The following HIVEP2 variants were observed in gnomAD, a reference collection of about 807,000 sequenced individuals.
HIVEP2 encodes the protein HIVEP zinc finger 2, also known as transcription factor HIVEP2.
In HIVEP2, 14 loss-of-function variants were observed where a neutral mutation model predicts 180.7. The observed-to-expected ratio is 0.08, with a 90% CI of 0.05 to 0.12. The LOEUF (loss-of-function observed/expected upper bound fraction) is 0.12. Among genes scored for constraint, HIVEP2 ranks in the 10% least tolerant of loss-of-function variants. HIVEP2 has a pLI of 1.00. For synonymous variants in HIVEP2, 1,184 were observed against 1,136.4 expected (o/e 1.04, Z -0.84); for missense variants, 2,579 against 3,008.5 (o/e 0.86, Z 3.34).
chr6:142,936,340 G>T (rs1456702667), intron 1 of HIVEP2, among the ~76,000 whole-genome samples: 1 of 151,528 alleles, frequency 6.6e-6, no homozygotes, highest in Non-Finnish European at 1.5e-5. Flanking sequence ...CTACAGGCAC[G>T]TGCCACCACA....
intron 2 of HIVEP2, among the ~76,000 whole-genome samples, chr6:142,816,378 A>G (rs918625236): frequency 6.6e-6 from 1 of 151,970 alleles, no homozygotes; most frequent in South Asian, 2.1e-4. Flanking sequence ...TTCCTTCCTT[A>G]TATTTCCTTA....
At chr6:142,775,757 C>A (rs923304205) in intron 4 of HIVEP2, among the ~76,000 whole-genome samples, 4 of 151,920 alleles carry the variant, frequency 2.6e-5, no homozygotes, top group African/African-American at 9.7e-5. Context: ...ATTGCTTGAA[C>A]CCGGGAGGCA....
chr6:142,863,284 T>C (rs1475462389), intron 1 of HIVEP2, among the ~76,000 whole-genome samples: 1 of 151,644 alleles, frequency 6.6e-6, no homozygotes, highest in Non-Finnish European at 1.5e-5. Context: ...CTACCAGTTA[T>C]AGTAGTTTGT....
At chr6:142,861,733 A>G (rs1029890450) in intron 1 of HIVEP2, among the ~76,000 whole-genome samples, 2 of 152,230 alleles carry the variant, frequency 1.3e-5, no homozygotes, top group African/African-American at 4.8e-5. Flanking sequence ...CAAAGTTGTC[A>G]GTCCCACACT....
chr6:142,846,356 T>G (rs374552207), intron 1 of HIVEP2, among the ~76,000 whole-genome samples: 3 of 152,204 alleles, frequency 2.0e-5, no homozygotes, highest in Admixed American at 6.5e-5. Flanking sequence ...GCAAGCTTAA[T>G]GCACTCTGGT....
rs370420416 is a variant in HIVEP2, at chr6:142,770,455, G to A, written c.4284C>T (p.Thr1428=). The change falls in exon 5 of 10, where the codon ACC becomes ACT. Residue 1428 remains threonine (T), a synonymous_variant. Coordinates refer to ENST00000367603, the MANE Select transcript of HIVEP2 (RefSeq NM_006734.4). This position sits in a 1 kb window ranked among gnomAD's most constrained non-coding sequence, Gnocchi z 4.7. ...CTCCCAGGGTGGCCACGCTGTCAGA[G>A]GTGGAAGGTAAACACAAGGGGATGG... ...ESSIPLCLPS[T]SDSVATLGGS... 6.2e-7 allele frequency: 1 copy of A among 1,614,190 alleles called. No homozygotes were observed. The highest frequency in any genetic ancestry group is 8.5e-7 in the Non-Finnish European group (1 of 1,180,034).
At position 142,885,908 on chromosome 6, in the gene HIVEP2, C is replaced by T. The variant is rs184608641; in HGVS notation, c.-640-48861G>A. Among the ~76,000 whole-genome samples the T allele has an allele frequency of 1.7e-3, 263 of 152,294 alleles. 6 individuals carry two copies. Among genetic ancestry groups the T allele is most frequent in the Admixed American group, 0.014 (210 of 15,292 alleles). On this transcript the variant is annotated intron_variant, in intron 1 of 9. Coordinates refer to ENST00000367603, the MANE Select transcript of HIVEP2 (RefSeq NM_006734.4). ...TCAAATAATGATTTCTCTTCTTTAA[C>T]TCGTAGTCCCCAAGCAGTAATATTT...
intron 2 of HIVEP2, among the ~76,000 whole-genome samples, chr6:142,826,405 G>A (rs1774902989): frequency 6.6e-6 from 1 of 152,106 alleles, no homozygotes; most frequent in Non-Finnish European, 1.5e-5. Context: ...CATGATCACT[G>A]GTTGAAATAT....
chr6:142,911,362 TAA>T, intron 1 of HIVEP2, among the ~76,000 whole-genome samples: 1 of 152,262 alleles, frequency 6.6e-6, no homozygotes, highest in East Asian at 1.9e-4. Flanking sequence ...ATAGGGCATT[TAA>T]GATCAAGGAG....
intron 1 of HIVEP2, among the ~76,000 whole-genome samples, chr6:142,876,455 G>A (rs111925976): frequency 1.9e-4 from 29 of 152,076 alleles, no homozygotes; most frequent in African/African-American, 5.8e-4. Flanking sequence ...TGATAGCAGC[G>A]TATGAGATCA....
At chr6:142,824,045 T>C (rs1222741161) in intron 2 of HIVEP2, among the ~76,000 whole-genome samples, 1 of 152,192 alleles carries the variant, frequency 6.6e-6, no homozygotes, top group Non-Finnish European at 1.5e-5. Flanking sequence ...TTTACATATA[T>C]GATGAAAATA....
chr6:142,882,769 A>G (rs1776604358), intron 1 of HIVEP2, among the ~76,000 whole-genome samples: 1 of 152,158 alleles, frequency 6.6e-6, no homozygotes, highest in Non-Finnish European at 1.5e-5. Flanking sequence ...TATCGTTTAC[A>G]TAACGCTGGC....
intron 9 of HIVEP2, among the ~76,000 whole-genome samples, chr6:142,756,932 G>C (rs1013910455): frequency 1.3e-5 from 2 of 152,066 alleles, no homozygotes; most frequent in African/African-American, 4.8e-5. Flanking sequence ...GCTCCTTACT[G>C]CCACACTGTT....
At chr6:142,848,594 G>A (rs976704375) in intron 1 of HIVEP2, among the ~76,000 whole-genome samples, 1 of 152,032 alleles carries the variant, frequency 6.6e-6, no homozygotes, top group African/African-American at 2.4e-5. Flanking sequence ...GGAGCATGGT[G>A]CACCTGCAGT....
chr6:142,756,781 A>G (rs1775082622), intron 9 of HIVEP2, among the ~76,000 whole-genome samples: 1 of 152,052 alleles, frequency 6.6e-6, no homozygotes, highest in African/African-American at 2.4e-5. Context: ...TACTGAATAA[A>G]TGGATAAAAG....
intron 2 of HIVEP2, among the ~76,000 whole-genome samples, chr6:142,804,338 G>T (rs1776492347): frequency 6.6e-6 from 1 of 152,098 alleles, no homozygotes; most frequent in Non-Finnish European, 1.5e-5. Flanking sequence ...GGTTTGGAAG[G>T]CAGGTACAAT....
At chr6:142,895,662 T>G (rs1328806706) in intron 1 of HIVEP2, among the ~76,000 whole-genome samples, 1 of 152,222 alleles carries the variant, frequency 6.6e-6, no homozygotes, top group Admixed American at 6.5e-5. Context: ...TCTCTAGACT[T>G]CAGCTGAGAG....
At chr6:142,920,419 A>T (rs543053459) in intron 1 of HIVEP2, among the ~76,000 whole-genome samples, 2 of 152,298 alleles carry the variant, frequency 1.3e-5, no homozygotes, top group South Asian at 4.1e-4. Flanking sequence ...TACTATCCAG[A>T]TCACAGGTAT....
chr6:142,841,378 G>T (rs1247312113), intron 1 of HIVEP2, among the ~76,000 whole-genome samples: 2 of 152,092 alleles, frequency 1.3e-5, no homozygotes, highest in African/African-American at 4.8e-5. Context: ...CTTTTGTTCA[G>T]ACTGCCAGTA....
Sources: allele counts gnomAD v4.1 joint callset (sites outside exome capture counted in the v4.1 genomes callset), GRCh38; gene constraint gnomAD v4.1.1; non-coding constraint Gnocchi (gnomAD v3.1); transcripts MANE v1.5; gene names NCBI Gene and HGNC (gene_info 2026-07-23, HGNC 2026-07-21).